Variants in IRF1 observed in about 807,000 individuals in gnomAD.
IRF1 encodes interferon regulatory factor-1.
In IRF1, 13 loss-of-function variants were observed where a neutral mutation model predicts 43.7. That is an observed-to-expected ratio of 0.30 (90% CI 0.19 to 0.47). The LOEUF (loss-of-function observed/expected upper bound fraction) is 0.47, where lower values mean the gene tolerates loss of function less well. Ranked by LOEUF, IRF1 falls within the 20% of genes least tolerant of loss-of-function variation. The pLI is 0.99. For missense variants in IRF1, 236 were observed against 408.9 expected, an observed-to-expected ratio of 0.58 and a Z score of 3.65; for synonymous variants, 138 against 146.8, an observed-to-expected ratio of 0.94 and a Z score of 0.43.
chr5:132,486,050 C>T, intron 7 of IRF1: 1 of 688,652 alleles, frequency 1.5e-6, no homozygotes, highest in Non-Finnish European at 2.5e-6. Context: ...CTCTCACCAG[C>T]CCCCACTGTA....
At position 132,484,006 on chromosome 5, in the gene IRF1, C is replaced by A. The variant is rs765049657; in HGVS notation, c.923G>T (p.Ser308Ile). 1.2e-6 allele frequency: 2 copies of A among 1,614,018 alleles called. No individual in the cohort carries two copies. The highest frequency in any genetic ancestry group is 1.7e-6 in the Non-Finnish European group (2 of 1,180,012). Reference sequence around the variant, plus strand: ...GGGCAACCGGACTGGGGTCAGCAGGCTGTCCAGCCAGGTGGCATCCATGTT... The same window carrying A: ...GGGCAACCGGACTGGGGTCAGCAGGATGTCCAGCCAGGTGGCATCCATGTT... ...LKNMDATWLDSLLTPVRLPSI... is the reference protein window; with the variant it reads ...LKNMDATWLDILLTPVRLPSI... The change falls in exon 10 of 10, where the codon AGC becomes ATC. Residue 308 changes from serine (S) to isoleucine (I), a missense_variant. Transcript: ENST00000245414.
At chr5:132,485,437 C>T (rs2126837870) in intron 8 of IRF1, 1 of 572,354 alleles carries the variant, frequency 1.7e-6, no homozygotes. Flanking sequence ...GTCTGATGCC[C>T]CAAGGCTTGC....
chr5:132,487,843 C>A, intron 3 of IRF1, 83 bp downstream of exon 3: 1 of 888,130 alleles, frequency 1.1e-6, no homozygotes, highest in Non-Finnish European at 1.9e-6. Flanking sequence ...CTCAGGGACC[C>A]CAGTGAAGAG....
chr5:132,489,268 C>A, intron 2 of IRF1, 124 bp downstream of exon 2: 1 of 746,282 alleles, frequency 1.3e-6, no homozygotes. Context: ...ATGCAGGACC[C>A]ACTGGGAGAA....
intron 1 of IRF1, 47 bp from the exon 2 acceptor site, chr5:132,489,530 A>G (rs1754643470): frequency 6.6e-7 from 1 of 1,520,680 alleles, no homozygotes; most frequent in South Asian, 1.1e-5. Context: ...GTTGAACAGT[A>G]CCTGGGCAGT....
chr5:132,490,408 G>A lies in IRF1; in HGVS notation c.-6+137C>T, dbSNP rs1284169083. The A allele has an allele frequency of 6.7e-6, 1 of 149,218 alleles. No homozygotes were observed. Among genetic ancestry groups the A allele is most frequent in the African/African-American group, 2.4e-5 (1 of 40,892 alleles). The allele number at this position is 149,218 out of a possible 1,614,324, so 9.2% of individuals were successfully genotyped here. On this transcript the variant is annotated intron_variant, in intron 1 of 9. Coordinates refer to ENST00000245414, the MANE Select transcript of IRF1 (RefSeq NM_002198.3). The surrounding 1 kb of genome is among the most constrained non-coding windows in gnomAD (Gnocchi z 5.8). ...GCTCGCAGCTCCTCCGGCGCCCCCC[G>A]GAGCCCGCGCGGAGGCCCGGGCAAC...
rs1333265711 is a variant in IRF1 at position 132,481,752 on chromosome 5, C to G, written c.*2199G>C. 1 of 152,288 alleles carries G rather than the reference C, an allele frequency of 6.6e-6. No individual in the cohort carries two copies. The highest frequency in any genetic ancestry group is 1.5e-5 in the Non-Finnish European group (1 of 68,048). 9.4% of individuals were successfully genotyped at this position (152,288 alleles called of 1,614,324 possible). A position where few individuals can be genotyped will look rare whatever the true frequency, so the allele number is the denominator to read the frequency against. The stretch of plus-strand genomic sequence containing the variant: ...GGTACAGACAGAGCATTTCATCACT[C>G]TAGAAACTGGATGGCAAGTGCTACC... On this transcript the variant is annotated 3_prime_UTR_variant, in exon 10 of 10. Transcript: ENST00000245414.
chr5:132,487,739 T>G, intron 3 of IRF1, 187 bp downstream of exon 3: 117 of 583,146 alleles, frequency 2.0e-4, no homozygotes, highest in Middle Eastern at 9.1e-4. Flanking sequence ...CTTTTCCCTT[T>G]GAGAATTTGC....
intron 3 of IRF1, 140 bp from the exon 4 acceptor site, chr5:132,487,270 C>T (rs778010457): frequency 2.6e-4 from 210 of 794,776 alleles, no homozygotes; most frequent in Non-Finnish European, 4.1e-4. Flanking sequence ...AGCAGGTACT[C>T]CCGGTGACAC....
At chr5:132,485,498 T>C (rs1036685935) in intron 8 of IRF1, 169 bp downstream of exon 8, 5 of 697,948 alleles carry the variant, frequency 7.2e-6, no homozygotes, top group Non-Finnish European at 1.3e-5. Context: ...TCCCTTCCCA[T>C]GGTGGCTTTC....
At chr5:132,485,453 G>T in intron 8 of IRF1, 1 of 596,524 alleles carries the variant, frequency 1.7e-6, no homozygotes, top group Non-Finnish European at 3.1e-6. Flanking sequence ...CTTGCTTCAG[G>T]ACGGCCTGTC....
chr5:132,486,115 T>G, intron 7 of IRF1, 136 bp downstream of exon 7: 2 of 1,223,018 alleles, frequency 1.6e-6, no homozygotes, highest in South Asian at 1.3e-5. Context: ...CCTCCCCCTA[T>G]GGTGGCTAAG....
rs971065665 is a variant in IRF1, at chr5:132,481,825, C to CTGT, written c.*2123_*2125dup. ...TTTCTTGGGCTGCTGACTGTTCTGT[C>CTGT]TGTGACTGTGTCATATCAACTGACT... On this transcript the variant is annotated 3_prime_UTR_variant, in exon 10 of 10. Transcript: ENST00000245414. 6.6e-6 allele frequency: 1 copy of CTGT among 152,374 alleles called. No homozygotes were observed. The allele number at this position is 152,374 out of a possible 1,614,324, so 9.4% of individuals were successfully genotyped here. A position where few individuals can be genotyped will look rare whatever the true frequency, so the allele number is the denominator to read the frequency against.
At position 132,483,430 on chromosome 5, in the gene IRF1, G is replaced by A. The variant is rs1754438635; in HGVS notation, c.*521C>T. The stretch of plus-strand genomic sequence containing the variant: ...GTAGAGCTCCTCTGAGGCTGAGGGA[G>A]CATCGCCCCGAAGGACCCCACTTTC... On this transcript the variant is annotated 3_prime_UTR_variant, in exon 10 of 10. Coordinates refer to ENST00000245414, the MANE Select transcript of IRF1 (RefSeq NM_002198.3). The A allele has an allele frequency of 6.5e-6, 1 of 153,684 alleles. No individual in the cohort carries two copies. Among genetic ancestry groups the A allele is most frequent in the Admixed American group, 6.5e-5 (1 of 15,336 alleles). 9.5% of individuals were successfully genotyped at this position (153,684 alleles called of 1,614,324 possible). A position where few individuals can be genotyped will look rare whatever the true frequency, so the allele number is the denominator to read the frequency against.
chr5:132,485,223 A>G (rs2126837640), intron 8 of IRF1: 1 of 165,090 alleles, frequency 6.1e-6, no homozygotes, highest in Admixed American at 5.9e-5. Context: ...CAAAAACTAT[A>G]TTCACTTTCA....
At chr5:132,487,759 C>T (rs910667087) in intron 3 of IRF1, 167 bp downstream of exon 3, 9 of 595,106 alleles carry the variant, frequency 1.5e-5, no homozygotes, top group Non-Finnish European at 2.1e-5. Context: ...CTGAGATGAT[C>T]GACTCTCTTC....
chr5:132,485,649 G>T lies in IRF1; in HGVS notation c.717+18C>A. On this transcript the variant is annotated intron_variant, in intron 8 of 9. Transcript: ENST00000245414. Reference sequence around the variant, plus strand: ...GAAACGGTCACTTCAAGAGTGCCCAGGTAGGAAGGGGCTTTACCTTCATGA... The same window carrying T: ...GAAACGGTCACTTCAAGAGTGCCCATGTAGGAAGGGGCTTTACCTTCATGA... The T allele has an allele frequency of 6.2e-7, 1 of 1,600,898 alleles. No homozygotes were observed. Among genetic ancestry groups the T allele is most frequent in the Non-Finnish European group, 8.6e-7 (1 of 1,168,014 alleles).
At chr5:132,485,389 C>A in intron 8 of IRF1, 1 of 488,978 alleles carries the variant, frequency 2.0e-6, no homozygotes, top group South Asian at 2.4e-5. Context: ...GGATGCAGGC[C>A]AGGGACCCAT....
At chr5:132,484,149 G>A in intron 9 of IRF1, 74 bp from the exon 10 acceptor site, 1 of 1,574,128 alleles carries the variant, frequency 6.4e-7, no homozygotes, top group Non-Finnish European at 8.7e-7. Flanking sequence ...ACCCCTGAAG[G>A]CCATAGACAT....
Sources: gnomAD v4.1 joint callset for allele counts on GRCh38, gnomAD v4.1.1 for gene constraint, Gnocchi (gnomAD v3.1) non-coding constraint, MANE v1.5 for transcripts, NCBI Gene and HGNC (gene_info 2026-07-23, HGNC 2026-07-21) for gene names.